The following WWOX variants were observed in gnomAD, a reference collection of about 807,000 sequenced individuals.
WWOX encodes the protein WW domain containing oxidoreductase.
WWOX carries 69 observed loss-of-function variants against 46.2 expected under a neutral mutation model. That is an observed-to-expected ratio of 1.49 (90% confidence interval 1.23 to 1.82). The LOEUF is 1.82. WWOX is among the 40% of genes most tolerant of loss of function. The pLI is 0.00. For missense variants in WWOX, 919 were observed against 542.6 expected (o/e 1.69, Z -6.89); for synonymous variants, 359 against 202.6 (o/e 1.77, Z -6.56).
At chr16:78,145,852 C>T (rs961432164) in intron 4 of WWOX, 1 of 152,214 alleles carries the variant, frequency 6.6e-6, no homozygotes, top group Non-Finnish European at 1.5e-5. Flanking sequence ...AAGGCCCCAT[C>T]TCCAGATGCA....
chr16:78,257,660 C>T (rs940841524), intron 5 of WWOX, among the ~76,000 whole-genome samples: 6 of 150,972 alleles, frequency 4.0e-5, no homozygotes, highest in Admixed American at 2.7e-4. Flanking sequence ...TTTCCATCTC[C>T]ATTCCTTCTG....
intron 8 of WWOX, among the ~76,000 whole-genome samples, chr16:78,785,535 T>C (rs1384805103): frequency 6.6e-6 from 1 of 152,146 alleles, no homozygotes; most frequent in African/African-American, 2.4e-5. Flanking sequence ...CTCTGAAATA[T>C]GGGTAGCATA....
chr16:78,856,498 C>A (rs2052569906), intron 8 of WWOX, among the ~76,000 whole-genome samples: 1 of 152,098 alleles, frequency 6.6e-6, no homozygotes, highest in Non-Finnish European at 1.5e-5. Context: ...CAAAAATCAG[C>A]TGGTTGTGGT....
chr16:78,270,097 T>C (rs1235297657), intron 5 of WWOX: 4 of 152,116 alleles, frequency 2.6e-5, no homozygotes, highest in Non-Finnish European at 5.9e-5. Context: ...ATCATCAAAT[T>C]TTTTTTACGG....
chr16:78,896,404 C>G (rs892098706), intron 8 of WWOX: 1 of 152,148 alleles, frequency 6.6e-6, no homozygotes, highest in African/African-American at 2.4e-5. Flanking sequence ...ACCTGGGGCC[C>G]TGAATCGTGT....
At chr16:78,356,083 A>ATTTTTTTTTTTTTTTTTTTTAGG (rs1567520621) in intron 5 of WWOX, among the ~76,000 whole-genome samples, 2 of 81,446 alleles carry the variant, frequency 2.5e-5, no homozygotes, top group Non-Finnish European at 5.5e-5. Context: ...AAAAAAAAAA[A>ATTTTTTTTTTTTTTTTTTTTAGG]AAAAAAAAAA....
intron 8 of WWOX, among the ~76,000 whole-genome samples, chr16:78,728,055 C>CTTTTTTTTTTTTTTTTTTTTTTTTTTTTT (rs758484198): frequency 1.2e-5 from 1 of 86,806 alleles, no homozygotes; most frequent in Non-Finnish European, 2.1e-5. Flanking sequence ...TCCCTCCTTC[C>CTTTTTTTTTTTTTTTTTTTTTTTTTTTTT]TTTTTTTTTT....
chr16:78,526,520 T>A (rs2043472769), intron 8 of WWOX: 1 of 152,350 alleles, frequency 6.6e-6, no homozygotes, highest in East Asian at 1.9e-4. Flanking sequence ...GGCAGGGAAC[T>A]TAATCTCCCT....
At chr16:78,906,117 G>A (rs532918574) in intron 8 of WWOX, among the ~76,000 whole-genome samples, 1 of 152,172 alleles carries the variant, frequency 6.6e-6, no homozygotes, top group Non-Finnish European at 1.5e-5. Flanking sequence ...AGTCTGAGGG[G>A]AATGCCATGG....
intron 8 of WWOX, chr16:79,206,258 G>A (rs1224310946): frequency 6.6e-6 from 1 of 152,290 alleles, no homozygotes; most frequent in Non-Finnish European, 1.5e-5. Context: ...AGCAGGCAGA[G>A]AGGCATAGGA....
chr16:78,467,606 A>G (rs2084112593), intron 8 of WWOX, among the ~76,000 whole-genome samples: 1 of 152,234 alleles, frequency 6.6e-6, no homozygotes, highest in Non-Finnish European at 1.5e-5. Context: ...TGTCTTCATT[A>G]AGTGGAGAAA....
At chr16:78,694,763 T>C (rs2048064420) in intron 8 of WWOX, among the ~76,000 whole-genome samples, 1 of 152,158 alleles carries the variant, frequency 6.6e-6, no homozygotes, top group Non-Finnish European at 1.5e-5. Context: ...ATATCAACTA[T>C]TACAGCTTTT....
intron 8 of WWOX, chr16:78,780,573 T>C (rs2050300722): frequency 6.6e-6 from 1 of 152,210 alleles, no homozygotes; most frequent in Non-Finnish European, 1.5e-5. Flanking sequence ...GAAATTAAAC[T>C]GGTCCTTGTG....
At chr16:79,026,850 C>G (rs62040099) in intron 8 of WWOX, among the ~76,000 whole-genome samples, 82,450 of 146,938 alleles carry the variant, frequency 0.56, 23,822 homozygotes, top group East Asian at 0.69. Flanking sequence ...AGGATGGTCT[C>G]AATCTCCTGA....
At chr16:78,831,169 C>T (rs1295969878) in intron 8 of WWOX, among the ~76,000 whole-genome samples, 1 of 152,130 alleles carries the variant, frequency 6.6e-6, no homozygotes, top group African/African-American at 2.4e-5. Flanking sequence ...AATTTGGGGG[C>T]TGAAGACCCT....
intron 8 of WWOX, among the ~76,000 whole-genome samples, chr16:78,765,797 G>T (rs2049912642): frequency 6.6e-6 from 1 of 152,196 alleles, no homozygotes; most frequent in Non-Finnish European, 1.5e-5. Flanking sequence ...ACCTCTGTCA[G>T]AGAACTCATC....
chr16:78,368,747 C>T (rs999802898), intron 5 of WWOX, among the ~76,000 whole-genome samples: 1 of 152,218 alleles, frequency 6.6e-6, no homozygotes, highest in Non-Finnish European at 1.5e-5. Context: ...CAGTCTGCAA[C>T]TTAGCTGGCT....
intron 8 of WWOX, among the ~76,000 whole-genome samples, chr16:79,132,549 T>C (rs1171110293): frequency 6.6e-6 from 1 of 152,194 alleles, no homozygotes; most frequent in Admixed American, 6.5e-5. Context: ...TGTTTCTTGA[T>C]CTCGATAGCA....
chr16:79,106,992 G>A (rs1263903103), intron 8 of WWOX, among the ~76,000 whole-genome samples: 3 of 151,892 alleles, frequency 2.0e-5, no homozygotes, highest in African/African-American at 7.3e-5. Flanking sequence ...TGTATTGTTA[G>A]TAGAGTTGGG....
Sources: gnomAD v4.1 joint callset for allele counts (sites outside exome capture counted in the v4.1 genomes callset) on GRCh38, gnomAD v4.1.1 for gene constraint, MANE v1.5 for transcripts, NCBI Gene and HGNC (gene_info 2026-07-23, HGNC 2026-07-21) for gene names.